Variants in IFT140 observed in about 807,000 individuals in gnomAD.
IFT140 encodes intraflagellar transport 140.
Under a neutral mutation model 164.6 loss-of-function variants are expected in IFT140, and 133 were observed. The observed-to-expected ratio is 0.81, with a 90% CI of 0.70 to 0.93. The LOEUF is 0.93. Ranked by LOEUF, IFT140 falls within the 40% of genes least tolerant of loss-of-function variation. IFT140 has a pLI of 0.00. For synonymous variants in IFT140, 860 were observed against 817.3 expected, an observed-to-expected ratio of 1.05 and a Z score of -0.89; for missense variants, 2,045 against 1,972.3, an observed-to-expected ratio of 1.04 and a Z score of -0.70.
intron 19 of IFT140, chr16:1,540,935 C>T (rs1370005425): frequency 9.1e-6 from 9 of 985,318 alleles, no homozygotes; most frequent in Non-Finnish European, 1.1e-5. Context: ...ACATTGTCTG[C>T]TCTGCAGCGT....
rs551802553 is a variant in IFT140, at chr16:1,541,013, G to A, written c.2400-14217C>T. On this transcript the variant is annotated intron_variant, in intron 19 of 30. Transcript: ENST00000426508. ...GGCCCCTGTGTAAGGTTTTATTTGC[G>A]GGAGAACATTTCTCTGCTACAGAAA... is the stretch of plus-strand genomic sequence containing the variant. 2.5e-4 allele frequency: 243 copies of A among 985,374 alleles called. No homozygotes were observed. The African/African-American group carries it at 4.0e-3, about 16-fold the overall frequency. The allele number at this position is 985,374 out of a possible 1,614,324, so 61.0% of individuals were successfully genotyped here. A position where few individuals can be genotyped will look rare whatever the true frequency, so the allele number is the denominator to read the frequency against.
Position 1,592,252 on chromosome 16 carries a change from C to G in IFT140, c.558G>C (p.Trp186Cys). Reference protein sequence around the residue: ...GDEKALDMFNWKKSSSGSLLK... With the variant: ...GDEKALDMFNCKKSSSGSLLK... ...GCAAACTTCCAGAACTGCTCTTCTT[C>G]CAGTTAAACATGTCCAGGGCTTTCT... The change falls in exon 6 of 31, where the codon TGG becomes TGC. Residue 186 changes from tryptophan (W) to cysteine (C), a missense_variant. Trp to Cys is a radical substitution (Grantham distance 215, BLOSUM62 -2). Transcript: ENST00000426508. 1 of 1,614,220 alleles carries G rather than the reference C, an allele frequency of 6.2e-7. No homozygotes were observed. Among genetic ancestry groups the G allele is most frequent in the Non-Finnish European group, 8.5e-7 (1 of 1,180,044 alleles).
rs959367810 is a variant in IFT140 at position 1,571,313 on chromosome 16, G to A, written c.1652+94C>T. The stretch of plus-strand genomic sequence containing the variant: ...GTCGGTGTTAAAATGGGCACCTAAG[G>A]AGTCTTCTGGCTTCTAACTCACTTT... On this transcript the variant is annotated intron_variant, in intron 14 of 30. Coordinates refer to ENST00000426508, the MANE Select transcript of IFT140 (RefSeq NM_014714.4). The A allele has an allele frequency of 5.8e-6, 7 of 1,199,724 alleles. No homozygotes were observed. The African/African-American group carries it at 1.1e-4, about 18-fold the overall frequency. 74.3% of individuals were successfully genotyped at this position (1,199,724 alleles called of 1,614,324 possible).
At chr16:1,562,249 G>C (rs773710382) in intron 17 of IFT140, 133 bp from the exon 18 acceptor site, 7 of 695,368 alleles carry the variant, frequency 1.0e-5, no homozygotes, top group Admixed American at 7.5e-5. Context: ...TGGTGGGGTC[G>C]GGTGCTTTGC....
At chr16:1,605,747 G>A (rs932763632) in intron 3 of IFT140, among the ~76,000 whole-genome samples, 2 of 152,134 alleles carry the variant, frequency 1.3e-5, no homozygotes, top group African/African-American at 4.8e-5. Context: ...GGCACCGAGA[G>A]GGTGATTATC....
intron 19 of IFT140, chr16:1,534,226 C>T (rs758738100): frequency 2.3e-5 from 37 of 1,597,164 alleles, no homozygotes; most frequent in East Asian, 6.7e-5. Context: ...CGTGCGGCCG[C>T]GGACTGGGAC....
At position 1,562,144 on chromosome 16, in the gene IFT140, G is replaced by GT. The variant is rs113397794; in HGVS notation, c.2068-29dup. The GT allele has an allele frequency of 0.067, 68,867 of 1,023,588 alleles. 155 individuals are homozygous for GT. Among genetic ancestry groups the GT allele is most frequent in the African/African-American group, 0.11 (6,855 of 60,902 alleles). The allele number at this position is 1,023,588 out of a possible 1,614,324, so 63.4% of individuals were successfully genotyped here. On this transcript the variant is annotated intron_variant, in intron 17 of 30. Coordinates refer to ENST00000426508, the MANE Select transcript of IFT140 (RefSeq NM_014714.4). ...GGGAGAGAAAGAAAAGTACTGTTCT[G>GT]TTTTTTTTTTTAACTTACATAAATT...
At position 1,520,841 on chromosome 16, in the gene IFT140, G is replaced by A. The variant is rs767010925; in HGVS notation, c.3454-33C>T. ...GGTGCAGAAATGGGACGGGGCTGCC[G>A]AGGGGGCCGGGAACTGAAGTGCGCC... is the stretch of plus-strand genomic sequence containing the variant. On this transcript the variant is annotated intron_variant, in intron 26 of 30. Coordinates refer to ENST00000426508, the MANE Select transcript of IFT140 (RefSeq NM_014714.4). 8 of 1,580,168 alleles carry A rather than the reference G, an allele frequency of 5.1e-6. No individual in the cohort carries two copies. The African/African-American group carries it at 5.4e-5, about 11-fold the overall frequency.
intron 4 of IFT140, among the ~76,000 whole-genome samples, chr16:1,593,163 A>T (rs1479938021): frequency 1.3e-5 from 2 of 152,254 alleles, no homozygotes; most frequent in East Asian, 1.9e-4. Flanking sequence ...TTCCTTTTTT[A>T]AAAAAGTTAC....
Position 1,521,881 on chromosome 16 carries a change from C to G in IFT140, c.3454-1073G>C, listed in dbSNP as rs374192569. 4.0e-5 allele frequency among the ~76,000 whole-genome samples: 6 copies of G among 148,150 alleles called. No individual in the cohort carries two copies. In the East Asian group the frequency reaches 8.1e-4, roughly 20 times the overall value. On this transcript the variant is annotated intron_variant, in intron 26 of 30. Transcript: ENST00000426508. ...CACAAGAAAAAAAAACAGTAATAACCCACAAATATATATGAAGTAATAACA... is the reference window on the plus strand; with the variant it reads ...CACAAGAAAAAAAAACAGTAATAACGCACAAATATATATGAAGTAATAACA...
chr16:1,527,449 C>T (rs1412517840), intron 19 of IFT140, among the ~76,000 whole-genome samples: 1 of 152,202 alleles, frequency 6.6e-6, no homozygotes, highest in Non-Finnish European at 1.5e-5. Context: ...CAGCACCTTC[C>T]ACCCCAGCCC....
chr16:1,592,475 AG>A lies in IFT140; in HGVS notation c.482del (p.Pro161LeufsTer14). The A allele has an allele frequency of 6.2e-7, 1 of 1,614,110 alleles. No homozygotes were observed. Among genetic ancestry groups the A allele is most frequent in the Non-Finnish European group, 8.5e-7 (1 of 1,180,002 alleles). On this transcript the variant is annotated frameshift_variant, in exon 5 of 31. Coordinates refer to ENST00000426508, the MANE Select transcript of IFT140 (RefSeq NM_014714.4). LOFTEE classifies it high-confidence loss of function. ...GCAAGCCCCACACTTACTCGCCAGG[AG>A]GGGGGAGCCGGAAGATGCAGTGCGT... is the stretch of plus-strand genomic sequence containing the variant. The part of the protein sequence containing the change: ...HLTHCIFRLP[P>X]PGEDLVQLAK...
intron 13 of IFT140, 31 bp from the exon 14 acceptor site, chr16:1,571,565 T>C: frequency 6.3e-7 from 1 of 1,597,790 alleles, no homozygotes; most frequent in Admixed American, 1.7e-5. Context: ...ATGGATATAT[T>C]TCATGTTAGT....
rs2033828605 is a variant in IFT140, at chr16:1,568,234, T to C, written c.1753A>G (p.Ser585Gly). The change falls in exon 15 of 31, where the codon AGC becomes GGC. Residue 585 changes from serine (S) to glycine (G), a missense_variant. Coordinates refer to ENST00000426508, the MANE Select transcript of IFT140 (RefSeq NM_014714.4). Reference sequence around the variant, plus strand: ...GGCCTCACCTTGCTGGGGAGGATGCTGATGGTGCTCCCGCTGCTGCTGCAC... The same window carrying C: ...GGCCTCACCTTGCTGGGGAGGATGCCGATGGTGCTCCCGCTGCTGCTGCAC... ...LRCSSSGSTI[S>G]ILPSKADNSP... The C allele has an allele frequency of 6.2e-7, 1 of 1,605,740 alleles. No homozygotes were observed. Among genetic ancestry groups the C allele is most frequent in the Non-Finnish European group, 8.5e-7 (1 of 1,176,716 alleles).
intron 2 of IFT140, among the ~76,000 whole-genome samples, chr16:1,608,671 A>C (rs371424253): frequency 1.3e-4 from 19 of 151,860 alleles, no homozygotes; most frequent in African/African-American, 4.1e-4. Context: ...ACAACAAACA[A>C]ACACTCCAGA....
chr16:1,565,180 T>G (rs972458539), intron 16 of IFT140, among the ~76,000 whole-genome samples: 1 of 152,072 alleles, frequency 6.6e-6, no homozygotes, highest in African/African-American at 2.4e-5. Flanking sequence ...CATTTTGGTA[T>G]GAGAAACGCT....
intron 22 of IFT140, 126 bp from the exon 23 acceptor site, chr16:1,525,042 AGT>A: frequency 7.2e-7 from 1 of 1,384,610 alleles, no homozygotes; most frequent in African/African-American, 1.4e-5. Context: ...CTGGGCCAAG[AGT>A]GAGGACCCCT....
At position 1,602,508 on chromosome 16, in the gene IFT140, A is replaced by AGCCAGCACCAGCCGCGTCGGGT; in HGVS notation, c.209_230dup (p.Val78ProfsTer19). On this transcript the variant is annotated frameshift_variant, in exon 4 of 31. Transcript: ENST00000426508. LOFTEE classifies it high-confidence loss of function. ...TCACTTCTCCAGTCTCCCAGCCCACAGCCAGCACCAGCCGCGTCGGGTGCC... is the reference window on the plus strand; with the variant it reads ...TCACTTCTCCAGTCTCCCAGCCCACAGCCAGCACCAGCCGCGTCGGGTGCCAGCACCAGCCGCGTCGGGTGCC... The AGCCAGCACCAGCCGCGTCGGGT allele has an allele frequency of 6.2e-7, 1 of 1,614,146 alleles. No homozygotes were observed. The highest frequency in any genetic ancestry group is 1.3e-5 in the African/African-American group (1 of 75,040).
chr16:1,578,941 G>T (rs1288860294), intron 13 of IFT140, among the ~76,000 whole-genome samples: 1 of 152,120 alleles, frequency 6.6e-6, no homozygotes, highest in African/African-American at 2.4e-5. Context: ...CAAACCGCTG[G>T]GTTCAAGTGG....
Sources: gnomAD v4.1 joint callset for allele counts (sites outside exome capture counted in the v4.1 genomes callset) on GRCh38, gnomAD v4.1.1 for gene constraint, MANE v1.5 for transcripts, NCBI Gene and HGNC (gene_info 2026-07-23, HGNC 2026-07-21) for gene names.